CREB5: variants seen among roughly 807,000 people sequenced by gnomAD.
The protein encoded by CREB5 is cyclic AMP-responsive element-binding protein 5.
In CREB5, 19 loss-of-function variants were observed where a neutral mutation model predicts 57.1. The ratio of observed to expected loss-of-function variants is 0.33; its 90% confidence interval spans 0.23 to 0.49. CREB5 has a LOEUF of 0.49. Ranked by LOEUF, CREB5 falls within the 20% of genes least tolerant of loss-of-function variation. CREB5 has a pLI of 0.99. For missense variants in CREB5, 579 were observed against 671.6 expected (o/e 0.86, Z 1.52); for synonymous variants, 238 against 238.3 (o/e 1.00, Z 0.01).
At chr7:28,342,826 A>G (rs1373352039) in intron 1 of CREB5, among the ~76,000 whole-genome samples, 1 of 152,226 alleles carries the variant, frequency 6.6e-6, no homozygotes, top group Non-Finnish European at 1.5e-5. Flanking sequence ...TGTTTTGATA[A>G]TGTATACATT....
chr7:28,633,092 A>G (rs1798266936), intron 5 of CREB5, among the ~76,000 whole-genome samples: 1 of 152,220 alleles, frequency 6.6e-6, no homozygotes, highest in South Asian at 2.1e-4. Flanking sequence ...TTTCTGATAA[A>G]CACATGAGGT....
At chr7:28,432,384 A>G (rs1038286988) in intron 1 of CREB5, among the ~76,000 whole-genome samples, 6 of 152,290 alleles carry the variant, frequency 3.9e-5, no homozygotes, top group Admixed American at 3.3e-4. Flanking sequence ...TGTGTCATCT[A>G]TGGCTGTCGC....
At chr7:28,377,498 T>A (rs2127995160) in intron 1 of CREB5, among the ~76,000 whole-genome samples, 1 of 152,198 alleles carries the variant, frequency 6.6e-6, no homozygotes, top group Non-Finnish European at 1.5e-5. Flanking sequence ...ATAGCACTAC[T>A]ATAGAATATA....
At chr7:28,809,570 A>G (rs1808979928) in intron 9 of CREB5, among the ~76,000 whole-genome samples, 156 bp downstream of exon 9, 1 of 152,170 alleles carries the variant, frequency 6.6e-6, no homozygotes, top group Non-Finnish European at 1.5e-5. Flanking sequence ...TAATTCCAGG[A>G]CACCCTGCAA....
At chr7:28,325,371 C>T (rs943602478) in intron 1 of CREB5, among the ~76,000 whole-genome samples, 11 of 151,650 alleles carry the variant, frequency 7.3e-5, no homozygotes, top group Non-Finnish European at 7.4e-5. Flanking sequence ...AGGAGAATGG[C>T]GTGAACCCGG....
intron 5 of CREB5, among the ~76,000 whole-genome samples, chr7:28,689,852 T>C (rs1468020737): frequency 2.6e-5 from 4 of 152,018 alleles, no homozygotes; most frequent in Admixed American, 6.6e-5. Flanking sequence ...CTGAAGGATG[T>C]GCAGGATCTC....
At chr7:28,687,582 G>A (rs1801009771) in intron 5 of CREB5, among the ~76,000 whole-genome samples, 1 of 150,260 alleles carries the variant, frequency 6.7e-6, no homozygotes, top group Admixed American at 6.7e-5. Flanking sequence ...TAAAACAAGA[G>A]GGCAAACACT....
At chr7:28,811,806 A>T (rs533303449) in intron 9 of CREB5, among the ~76,000 whole-genome samples, 1 of 152,346 alleles carries the variant, frequency 6.6e-6, no homozygotes, top group Non-Finnish European at 1.5e-5. Flanking sequence ...TTGCACAAAC[A>T]TGTTAAGTAA....
intron 1 of CREB5, among the ~76,000 whole-genome samples, chr7:28,392,780 A>G (rs1787247965): frequency 6.6e-6 from 1 of 152,220 alleles, no homozygotes. Context: ...GGTACAGGTT[A>G]CACCTTAGTC....
At chr7:28,560,971 TGCGTGTGTGC>T (rs1795221768) in intron 4 of CREB5, among the ~76,000 whole-genome samples, 5 of 54,058 alleles carry the variant, frequency 9.2e-5, no homozygotes, top group African/African-American at 2.9e-4. Context: ...CGTGTGTGTG[TGCGTGTGTGC>T]GTGCGTGTGT....
intron 6 of CREB5, among the ~76,000 whole-genome samples, chr7:28,722,992 G>A (rs1324846767): frequency 6.6e-6 from 1 of 152,186 alleles, no homozygotes; most frequent in Non-Finnish European, 1.5e-5. Context: ...TTAGTTCAAT[G>A]AGCCCTCTCA....
intron 1 of CREB5, among the ~76,000 whole-genome samples, chr7:28,326,392 T>C (rs1785607292): frequency 6.6e-6 from 1 of 152,216 alleles, no homozygotes; most frequent in Non-Finnish European, 1.5e-5. Flanking sequence ...ATGTAGCCAA[T>C]CTCCCTACAT....
At chr7:28,801,045 C>T (rs984110304) in intron 7 of CREB5, among the ~76,000 whole-genome samples, 10 of 152,152 alleles carry the variant, frequency 6.6e-5, no homozygotes, top group African/African-American at 1.9e-4. Context: ...TGGCACATAG[C>T]ATGTACTTAG....
At chr7:28,588,504 G>A (rs77947609) in intron 5 of CREB5, among the ~76,000 whole-genome samples, 1 of 152,198 alleles carries the variant, frequency 6.6e-6, no homozygotes, top group Non-Finnish European at 1.5e-5. Flanking sequence ...CATATGTGCA[G>A]CTTCTTAATT....
intron 1 of CREB5, among the ~76,000 whole-genome samples, chr7:28,387,226 C>G (rs1455736458): frequency 6.6e-6 from 1 of 152,150 alleles, no homozygotes; most frequent in Non-Finnish European, 1.5e-5. Flanking sequence ...TCTCCATAAC[C>G]TTGCCAGCTT....
Position 28,491,232 on chromosome 7 carries a change from G to C in CREB5, c.75+2986G>C, listed in dbSNP as rs999704948. The C allele has an allele frequency of 3.0e-6, 3 of 985,352 alleles. No homozygotes were observed. The African/African-American group carries it at 5.2e-5, about 17-fold the overall frequency. The allele number at this position is 985,352 out of a possible 1,614,324, so 61.0% of individuals were successfully genotyped here. A position where few individuals can be genotyped will look rare whatever the true frequency, so the allele number is the denominator to read the frequency against. ...TTAAAGGATAGCCGAGCTGGAGTTTGTCAAGAACAAGAAACCAGTGAGACA... is the reference window on the plus strand; with the variant it reads ...TTAAAGGATAGCCGAGCTGGAGTTTCTCAAGAACAAGAAACCAGTGAGACA... On this transcript the variant is annotated intron_variant, in intron 2 of 10. Coordinates refer to ENST00000357727, the MANE Select transcript of CREB5 (RefSeq NM_182898.4).
At position 28,560,859 on chromosome 7, in the gene CREB5, CGTGTGCCTGCGT is replaced by C. The variant is rs1562797260; in HGVS notation, c.292-9504_292-9493del. ...GTGTGTGTGTGCGCGTGTGTGTGTG[CGTGTGCCTGCGT>C]GCGCGTGCGTGCGTGCGTGTGTGTG... On this transcript the variant is annotated intron_variant, in intron 4 of 10. Coordinates refer to ENST00000357727, the MANE Select transcript of CREB5 (RefSeq NM_182898.4). Among the ~76,000 whole-genome samples, 325 of 32,702 alleles carry C rather than the reference CGTGTGCCTGCGT, an allele frequency of 9.9e-3. 35 individuals carry two copies. Among genetic ancestry groups the C allele is most frequent in the South Asian group, 0.025 (16 of 642 alleles). The allele number at this position is 32,702 out of a possible 152,430, so 21.5% of individuals were successfully genotyped here.
chr7:28,467,049 G>A lies in CREB5; in HGVS notation c.4-21126G>A, dbSNP rs183860910. On this transcript the variant is annotated intron_variant, in intron 1 of 10. Coordinates refer to ENST00000357727, the MANE Select transcript of CREB5 (RefSeq NM_182898.4). ...AGGGAAGACCCCATAGGGGAGGGCC[G>A]TAGCTGTGGGAGAGGGGCTGCCTGT... Among the ~76,000 whole-genome samples the A allele has an allele frequency of 1.5e-4, 23 of 152,344 alleles. No individual in the cohort carries two copies. In the East Asian group the frequency reaches 2.9e-3, roughly 19 times the overall value.
chr7:28,326,169 CTAT>C (rs1330796680), intron 1 of CREB5, among the ~76,000 whole-genome samples: 6 of 135,706 alleles, frequency 4.4e-5, no homozygotes, highest in South Asian at 2.6e-4. Context: ...ATCTATCTAT[CTAT>C]CTATCTATCT....
Sources: allele counts gnomAD v4.1 joint callset (sites outside exome capture counted in the v4.1 genomes callset), GRCh38; gene constraint gnomAD v4.1.1; transcripts MANE v1.5; gene names NCBI Gene and HGNC (gene_info 2026-07-23, HGNC 2026-07-21).